The following SLC2A14 variants were observed in gnomAD, a reference collection of about 807,000 sequenced individuals.
SLC2A14 encodes the protein solute carrier family 2 member 14, also known as solute carrier family 2, facilitated glucose transporter member 14.
SLC2A14 carries 13 observed loss-of-function variants against 43.0 expected under a neutral mutation model. The ratio of observed to expected loss-of-function variants is 0.30; its 90% CI spans 0.20 to 0.48. The LOEUF (loss-of-function observed/expected upper bound fraction) is 0.48. SLC2A14 is among the 20% of genes least tolerant of loss of function. The probability of loss-of-function intolerance (pLI) is 0.99; values close to 1 mark genes in which losing one functional copy is unlikely to be tolerated. For synonymous variants in SLC2A14, 190 were observed against 233.8 expected (o/e 0.81, Z 1.71); for missense variants, 428 against 620.4 (o/e 0.69, Z 3.29).
intron 2 of SLC2A14, among the ~76,000 whole-genome samples, chr12:7,839,504 T>A (rs1230597276): frequency 6.6e-6 from 1 of 152,058 alleles, no homozygotes; most frequent in Non-Finnish European, 1.5e-5. Flanking sequence ...ACGTTCTGGT[T>A]TATATTCCGA....
intron 1 of SLC2A14, chr12:7,871,155 G>C: frequency 1.6e-6 from 2 of 1,281,808 alleles, no homozygotes; most frequent in Non-Finnish European, 2.0e-6. Context: ...CAGACCCCCA[G>C]GATGTGATCC....
upstream of SLC2A14, among the ~76,000 whole-genome samples, chr12:7,876,572 A>T (rs1343053849): frequency 3.9e-5 from 6 of 152,102 alleles, 1 homozygote; most frequent in Admixed American, 1.3e-4. Context: ...CTACCCTATG[A>T]TCCAGCAATT....
intron 1 of SLC2A14, among the ~76,000 whole-genome samples, chr12:7,883,777 G>C (rs1404058118): frequency 6.8e-6 from 1 of 147,932 alleles, no homozygotes; most frequent in Non-Finnish European, 1.5e-5. Context: ...TAGAGACAAG[G>C]TTTCACCATG....
rs1035881471 is a variant in SLC2A14, at chr12:7,872,829, T to C, written c.-80A>G. 159 of 985,412 alleles carry C rather than the reference T, an allele frequency of 1.6e-4. No individual in the cohort carries two copies. Among genetic ancestry groups the C allele is most frequent in the Non-Finnish European group, 1.9e-4 (155 of 830,070 alleles). 61.0% of individuals were successfully genotyped at this position (985,412 alleles called of 1,614,324 possible). A position where few individuals can be genotyped will look rare whatever the true frequency, so the allele number is the denominator to read the frequency against. ...CACCTCCCAGACCCCGCGACTGCGGTTGGGCCCCGCGGCTTCGCTCAACCA... is the reference window on the plus strand; with the variant it reads ...CACCTCCCAGACCCCGCGACTGCGGCTGGGCCCCGCGGCTTCGCTCAACCA... On this transcript the variant is annotated 5_prime_UTR_variant, in exon 1 of 11. Transcript: ENST00000431042.
intron 7 of SLC2A14, among the ~76,000 whole-genome samples, chr12:7,827,270 CTTTTTTTTTTTTTT>C (rs71038780): frequency 9.1e-5 from 9 of 99,248 alleles, no homozygotes; most frequent in Non-Finnish European, 1.5e-4. Context: ...TAATTTTTGT[CTTTTTTTTTTTTTT>C]TTTTTTTTAG....
intron 2 of SLC2A14, among the ~76,000 whole-genome samples, chr12:7,846,982 A>T (rs1241160328): frequency 1.3e-5 from 2 of 149,676 alleles, no homozygotes; most frequent in Non-Finnish European, 3.0e-5. Context: ...GGCCGGGCGC[A>T]GTGGCCACAC....
At chr12:7,870,028 A>T (rs953858440) in intron 1 of SLC2A14, 91 bp from the exon 2 acceptor site, 15 of 625,958 alleles carry the variant, frequency 2.4e-5, no homozygotes, top group Non-Finnish European at 3.7e-5. Flanking sequence ...TCGCCAATGG[A>T]CACTCCAATA....
At chr12:7,843,020 G>T (rs933668474) in intron 2 of SLC2A14, among the ~76,000 whole-genome samples, 2 of 151,936 alleles carry the variant, frequency 1.3e-5, no homozygotes, top group African/African-American at 4.8e-5. Context: ...GAGCCACCGC[G>T]CCTGGCCACA....
At chr12:7,847,358 C>T (rs1021592799) in intron 2 of SLC2A14, among the ~76,000 whole-genome samples, 9 of 152,242 alleles carry the variant, frequency 5.9e-5, no homozygotes, top group South Asian at 2.1e-4. Flanking sequence ...TTTCCACTCA[C>T]ACTGCTTCAC....
chr12:7,854,266 G>T (rs1241543562), intron 2 of SLC2A14, among the ~76,000 whole-genome samples: 2 of 151,918 alleles, frequency 1.3e-5, no homozygotes, highest in African/African-American at 4.8e-5. Flanking sequence ...TCACCAAATT[G>T]CAAAAGCTAG....
intron 2 of SLC2A14, among the ~76,000 whole-genome samples, chr12:7,834,304 C>T (rs1420043201): frequency 6.6e-6 from 1 of 151,856 alleles, no homozygotes; most frequent in Non-Finnish European, 1.5e-5. Flanking sequence ...CTCAAACTCC[C>T]AGCCTCAAGT....
chr12:7,869,415 G>C (rs1425844652), intron 2 of SLC2A14, among the ~76,000 whole-genome samples: 1 of 152,126 alleles, frequency 6.6e-6, no homozygotes, highest in African/African-American at 2.4e-5. Context: ...CTTTATCACA[G>C]TATGCAAGTA....
At chr12:7,889,097 CA>C (rs1945735505) in intron 1 of SLC2A14, among the ~76,000 whole-genome samples, 1 of 152,016 alleles carries the variant, frequency 6.6e-6, no homozygotes. Flanking sequence ...ATCCAGACCC[CA>C]GGAGGGTTCT....
At position 7,872,856 on chromosome 12, in the gene SLC2A14, G is replaced by A; in HGVS notation, c.-107C>T. On this transcript the variant is annotated 5_prime_UTR_variant, in exon 1 of 11. Coordinates refer to ENST00000431042, the MANE Select transcript of SLC2A14 (RefSeq NM_001286234.2). Reference sequence around the variant, plus strand: ...GGGCCCCGCGGCTTCGCTCAACCACGCACCTCCCGGGCCGCTGCGCCCCCG... The same window carrying A: ...GGGCCCCGCGGCTTCGCTCAACCACACACCTCCCGGGCCGCTGCGCCCCCG... 1 of 985,488 alleles carries A rather than the reference G, an allele frequency of 1.0e-6. No individual in the cohort carries two copies. The highest frequency in any genetic ancestry group is 1.2e-6 in the Non-Finnish European group (1 of 830,026). The allele number at this position is 985,488 out of a possible 1,614,324, so 61.0% of individuals were successfully genotyped here.
chr12:7,882,496 G>A (rs116803674), intron 1 of SLC2A14, among the ~76,000 whole-genome samples: 2 of 152,028 alleles, frequency 1.3e-5, no homozygotes, highest in African/African-American at 4.8e-5. Flanking sequence ...CTCCAGCCTG[G>A]GCAACGGAGC....
At chr12:7,891,103 C>A (rs1332025556) in exon 1 of SLC2A14, 2 of 1,534,510 alleles carry the variant, frequency 1.3e-6, no homozygotes, top group African/African-American at 1.4e-5. Flanking sequence ...AGTACTTCTA[C>A]TCTCAACAGT....
At chr12:7,888,797 C>CA (rs138233883) in intron 1 of SLC2A14, among the ~76,000 whole-genome samples, 78 of 104,336 alleles carry the variant, frequency 7.5e-4, no homozygotes, top group African/African-American at 2.2e-3. Context: ...GACTCCGTCT[C>CA]AAAAAAAAAA....
intron 7 of SLC2A14, among the ~76,000 whole-genome samples, chr12:7,823,449 G>A (rs901944493): frequency 4.6e-5 from 7 of 151,800 alleles, no homozygotes; most frequent in Non-Finnish European, 8.8e-5. Flanking sequence ...CTGGCCATGC[G>A]CAGTGGCTCA....
chr12:7,852,999 C>A (rs1307615754), intron 2 of SLC2A14, among the ~76,000 whole-genome samples: 2 of 152,146 alleles, frequency 1.3e-5, no homozygotes, highest in Non-Finnish European at 2.9e-5. Flanking sequence ...TAAATTATTA[C>A]AAAATATCCC....
Sources: gnomAD v4.1 joint callset for allele counts (sites outside exome capture counted in the v4.1 genomes callset) on GRCh38, gnomAD v4.1.1 for gene constraint, MANE v1.5 for transcripts, NCBI Gene and HGNC (gene_info 2026-07-23, HGNC 2026-07-21) for gene names.